Variants in TLN2 observed in about 807,000 individuals in gnomAD.
TLN2 encodes talin 2.
A neutral mutation model predicts 294.7 loss-of-function variants in TLN2; 118 were observed. The observed-to-expected ratio is 0.40, with a 90% CI of 0.34 to 0.47. The LOEUF is 0.47. Ranked by LOEUF, TLN2 falls within the 20% of genes least tolerant of loss-of-function variation. The pLI, the probability that TLN2 is intolerant of heterozygous loss-of-function variation, is 0.84. For missense variants in TLN2, 3,083 were observed against 3,282.2 expected (o/e 0.94, Z 1.48); for synonymous variants, 1,431 against 1,304.5 (o/e 1.10, Z -2.09).
At chr15:62,486,669 C>G (rs2038419069) in intron 1 of TLN2, among the ~76,000 whole-genome samples, 1 of 152,048 alleles carries the variant, frequency 6.6e-6, no homozygotes, top group Admixed American at 6.6e-5. Flanking sequence ...TGCCTCATTA[C>G]TGGAGACATT....
chr15:62,721,055 G>A (rs1177090408), intron 25 of TLN2, among the ~76,000 whole-genome samples: 3 of 152,294 alleles, frequency 2.0e-5, no homozygotes, highest in Admixed American at 6.5e-5. Flanking sequence ...AGATAGAGCC[G>A]TGTAGATGTG....
intron 1 of TLN2, among the ~76,000 whole-genome samples, chr15:62,485,694 T>C (rs2038352202): frequency 6.6e-6 from 1 of 152,218 alleles, no homozygotes; most frequent in Non-Finnish European, 1.5e-5. Context: ...TTTCCTATAC[T>C]TCTTAGGGAG....
At chr15:62,465,104 G>GTTTTTTTTTTTTTTTTTTTT (rs57890839) in intron 1 of TLN2, among the ~76,000 whole-genome samples, 2 of 85,512 alleles carry the variant, frequency 2.3e-5, no homozygotes, top group Non-Finnish European at 2.1e-5. Context: ...TGGTGAGCGC[G>GTTTTTTTTTTTTTTTTTTTT]TTTTTTTTTT....
At chr15:62,740,817 T>A (rs554352680) in intron 32 of TLN2, 48 bp downstream of exon 32, 1 of 1,608,738 alleles carries the variant, frequency 6.2e-7, no homozygotes, top group Non-Finnish European at 8.5e-7. Flanking sequence ...GACAGTGTCA[T>A]TGCAGTCTGA....
intron 41 of TLN2, among the ~76,000 whole-genome samples, chr15:62,769,142 T>C (rs1363671646): frequency 1.3e-5 from 2 of 152,238 alleles, no homozygotes; most frequent in Non-Finnish European, 2.9e-5. Context: ...TGAAACATAC[T>C]TTGAAAATAA....
intron 1 of TLN2, among the ~76,000 whole-genome samples, chr15:62,462,636 G>A (rs115410493): frequency 0.039 from 5,871 of 152,272 alleles, 130 homozygotes; most frequent in African/African-American, 0.066. Flanking sequence ...GACAAGTGAG[G>A]TAGTGCTATA....
At chr15:62,485,977 A>G (rs16945122) in intron 1 of TLN2, among the ~76,000 whole-genome samples, 3,195 of 152,050 alleles carry the variant, frequency 0.021, 126 homozygotes, top group African/African-American at 0.071. Context: ...TGTTGTTTTA[A>G]AAGACTTTAA....
At chr15:62,722,779 T>C (rs1439161355) in intron 26 of TLN2, among the ~76,000 whole-genome samples, 1 of 152,230 alleles carries the variant, frequency 6.6e-6, no homozygotes, top group East Asian at 1.9e-4. Context: ...GGTCCATTTT[T>C]CACAAGTCTT....
intron 1 of TLN2, among the ~76,000 whole-genome samples, chr15:62,586,890 T>C (rs2045653483): frequency 6.6e-6 from 1 of 152,244 alleles, no homozygotes; most frequent in African/African-American, 2.4e-5. Context: ...CTGTAGTACA[T>C]AAACATTAGT....
At chr15:62,776,599 A>T (rs926206116) in intron 42 of TLN2, among the ~76,000 whole-genome samples, 165 bp from the exon 43 acceptor site, 19 of 152,234 alleles carry the variant, frequency 1.2e-4, no homozygotes, top group African/African-American at 4.6e-4. Flanking sequence ...ATTTTTATTT[A>T]CTTTGCAAAC....
chr15:62,572,686 C>T (rs1273802694), intron 1 of TLN2, among the ~76,000 whole-genome samples: 1 of 152,222 alleles, frequency 6.6e-6, no homozygotes, highest in African/African-American at 2.4e-5. Flanking sequence ...TCGATGCTTC[C>T]TGACACTTTC....
At chr15:62,770,699 A>G (rs755061668) in intron 41 of TLN2, among the ~76,000 whole-genome samples, 1 of 152,174 alleles carries the variant, frequency 6.6e-6, no homozygotes, top group Non-Finnish European at 1.5e-5. Context: ...ATTGAATTCA[A>G]TTCTCATATC....
intron 1 of TLN2, among the ~76,000 whole-genome samples, chr15:62,483,426 C>G (rs898531167): frequency 6.6e-6 from 1 of 152,192 alleles, no homozygotes; most frequent in African/African-American, 2.4e-5. Context: ...GGGCCAGAAC[C>G]ATTTCTAGTG....
intron 2 of TLN2, among the ~76,000 whole-genome samples, chr15:62,607,944 A>G (rs535103585): frequency 6.6e-6 from 1 of 152,302 alleles, no homozygotes; most frequent in East Asian, 1.9e-4. Flanking sequence ...TCTAACCTCA[A>G]GGACCTTGAA....
At chr15:62,500,334 A>G (rs553954591) in intron 1 of TLN2, among the ~76,000 whole-genome samples, 1 of 152,300 alleles carries the variant, frequency 6.6e-6, no homozygotes, top group Admixed American at 6.5e-5. Flanking sequence ...ATGAGACTCC[A>G]TCTCAAAAAA....
At chr15:62,639,422 G>T (rs188421274) in intron 3 of TLN2, among the ~76,000 whole-genome samples, 1 of 152,270 alleles carries the variant, frequency 6.6e-6, no homozygotes, top group East Asian at 1.9e-4. Context: ...ACACTTGTGG[G>T]GGTGGTTAAT....
At chr15:62,567,427 C>G (rs2043495987) in intron 1 of TLN2, among the ~76,000 whole-genome samples, 1 of 152,194 alleles carries the variant, frequency 6.6e-6, no homozygotes, top group East Asian at 1.9e-4. Flanking sequence ...GTGTAAAGCT[C>G]TCTGTGTCAT....
chr15:62,669,032 A>T (rs185405303), intron 9 of TLN2, among the ~76,000 whole-genome samples: 30 of 152,270 alleles, frequency 2.0e-4, no homozygotes, highest in African/African-American at 7.0e-4. Context: ...TCCTGATTGG[A>T]TTTCTGCAGT....
intron 3 of TLN2, among the ~76,000 whole-genome samples, chr15:62,638,850 T>G (rs540403660): frequency 5.1e-4 from 78 of 152,260 alleles, no homozygotes; most frequent in African/African-American, 1.9e-3. Context: ...GATGTGGCAT[T>G]GGTTCTTTTT....
Sources: allele counts gnomAD v4.1 joint callset (sites outside exome capture counted in the v4.1 genomes callset), GRCh38; gene constraint gnomAD v4.1.1; transcripts MANE v1.5; gene names NCBI Gene and HGNC (gene_info 2026-07-23, HGNC 2026-07-21).